The following HCK variants were observed in gnomAD, a reference collection of about 807,000 sequenced individuals.
HCK encodes the protein tyrosine-protein kinase HCK.
HCK carries 40 observed loss-of-function variants against 70.4 expected under a neutral mutation model. The ratio of observed to expected loss-of-function variants is 0.57; its 90% CI spans 0.44 to 0.74. The LOEUF (loss-of-function observed/expected upper bound fraction) is 0.74. Among genes scored for constraint, HCK ranks in the 30% least tolerant of loss-of-function variants. The pLI is 0.00. For missense variants in HCK, 568 were observed against 697.2 expected, an observed-to-expected ratio of 0.81 and a Z score of 2.09; for synonymous variants, 245 against 263.2, an observed-to-expected ratio of 0.93 and a Z score of 0.67.
chr20:32,081,614 G>A (rs926836715), intron 6 of HCK, among the ~76,000 whole-genome samples: 3 of 152,172 alleles, frequency 2.0e-5, no homozygotes, highest in South Asian at 2.1e-4. Flanking sequence ...CTGAATTGGC[G>A]AAGCTTTCAT....
chr20:32,075,219 G>T (rs1408902023), intron 5 of HCK, among the ~76,000 whole-genome samples: 3 of 152,068 alleles, frequency 2.0e-5, no homozygotes, highest in African/African-American at 4.8e-5. Context: ...TTGAGACAGG[G>T]TCTCACTCTG....
intron 3 of HCK, 36 bp downstream of exon 3, chr20:32,073,397 G>A (rs767515804): frequency 7.6e-6 from 12 of 1,572,828 alleles, no homozygotes; most frequent in Non-Finnish European, 1.0e-5. Flanking sequence ...GGAGTCATGT[G>A]TCCTGCAGAG....
At chr20:32,083,519 A>C (rs1177020053) in intron 6 of HCK, among the ~76,000 whole-genome samples, 1 of 152,242 alleles carries the variant, frequency 6.6e-6, no homozygotes, top group Non-Finnish European at 1.5e-5. Flanking sequence ...GATCAGAAAT[A>C]ATGAAGATGA....
At chr20:32,059,264 T>C (rs1221181802) in intron 1 of HCK, among the ~76,000 whole-genome samples, 5 of 123,266 alleles carry the variant, frequency 4.1e-5, no homozygotes. Context: ...CTTAAATGTA[T>C]CTGTAATGTT....
Position 32,071,694 on chromosome 20 carries a change from T to C in HCK, c.95T>C (p.Val32Ala), listed in dbSNP as rs2045540689. 6.2e-7 allele frequency: 1 copy of C among 1,614,104 alleles called. No individual in the cohort carries two copies. The highest frequency in any genetic ancestry group is 1.3e-5 in the African/African-American group (1 of 75,032). Residue 32 changes from valine (V) to alanine (A), a missense_variant, in exon 2 of 13, where the codon GTC becomes GCC. By Grantham distance (64) the Val-to-Ala change is moderately conservative. Transcript: ENST00000375852. ...TGCATGAAGTCCAAGTTCCTCCAGGTCGGAGGCAATACATTCTCAAAAACT... is the reference window on the plus strand; with the variant it reads ...TGCATGAAGTCCAAGTTCCTCCAGGCCGGAGGCAATACATTCTCAAAAACT...
intron 1 of HCK, among the ~76,000 whole-genome samples, chr20:32,067,786 G>C (rs918174554): frequency 6.6e-6 from 1 of 151,956 alleles, no homozygotes; most frequent in Non-Finnish European, 1.5e-5. Flanking sequence ...CGGCTGTTGA[G>C]CACAGATGGA....
intron 1 of HCK, 123 bp downstream of exon 1, chr20:32,052,609 G>A: frequency 1.5e-6 from 1 of 674,598 alleles, no homozygotes; most frequent in Non-Finnish European, 2.1e-6. Context: ...AGGGGAGACG[G>A]AACGTCGGGG....
At chr20:32,076,221 G>A (rs918523098) in intron 5 of HCK, among the ~76,000 whole-genome samples, 2 of 152,154 alleles carry the variant, frequency 1.3e-5, no homozygotes, top group Admixed American at 6.5e-5. Context: ...AGCTACTCGG[G>A]AGGCTGAGGC....
chr20:32,058,605 A>ACACACACAC (rs1555873969), intron 1 of HCK, among the ~76,000 whole-genome samples: 6 of 142,434 alleles, frequency 4.2e-5, no homozygotes, highest in African/African-American at 5.2e-5. Flanking sequence ...TTTATGTCAA[A>ACACACACAC]ACACACACAC....
chr20:32,059,932 C>A (rs539625987), intron 1 of HCK, among the ~76,000 whole-genome samples: 1 of 151,952 alleles, frequency 6.6e-6, no homozygotes, highest in Admixed American at 6.6e-5. Context: ...AGACCTGGAG[C>A]TTTGTCAATT....
intron 6 of HCK, 36 bp from the exon 7 acceptor site, chr20:32,083,858 A>T (rs2045740986): frequency 1.2e-6 from 2 of 1,613,366 alleles, no homozygotes; most frequent in African/African-American, 1.3e-5. Context: ...GGCCTCCAAG[A>T]TGCCATTCTG....
In HCK at chr20:32,088,695, T is replaced by C. The variant is rs748354614; in HGVS notation, c.1092+51T>C. The C allele has an allele frequency of 7.1e-6, 10 of 1,409,978 alleles. No individual in the cohort carries two copies. The Admixed American group carries it at 1.7e-4, about 24-fold the overall frequency. The allele number at this position is 1,409,978 out of a possible 1,614,324, so 87.3% of individuals were successfully genotyped here. A position where few individuals can be genotyped will look rare whatever the true frequency, so the allele number is the denominator to read the frequency against. On this transcript the variant is annotated intron_variant, in intron 10 of 12. Coordinates refer to ENST00000375852, the MANE Select transcript of HCK (RefSeq NM_002110.5). ...AAGGGAAACAGGAATTCGATTTTTT[T>C]ACTTGCCAAATATTTACTGACCACA...
At chr20:32,091,497 A>G (rs2045863131) in intron 10 of HCK, among the ~76,000 whole-genome samples, 1 of 152,210 alleles carries the variant, frequency 6.6e-6, no homozygotes. Flanking sequence ...TCATCTTATA[A>G]ATAAGCTATG....
chr20:32,101,688 T>A lies in HCK; in HGVS notation c.*169T>A. 1 of 539,462 alleles carries A rather than the reference T, an allele frequency of 1.9e-6. No individual in the cohort carries two copies. Among genetic ancestry groups the A allele is most frequent in the Non-Finnish European group, 3.3e-6 (1 of 305,756 alleles). The allele number at this position is 539,462 out of a possible 1,614,324, so 33.4% of individuals were successfully genotyped here. ...GTAGGTTGGACTGGAAAATCTCTTTTTGACTCTTGCAATCCACAATCTGAC... is the reference window on the plus strand; with the variant it reads ...GTAGGTTGGACTGGAAAATCTCTTTATGACTCTTGCAATCCACAATCTGAC... On this transcript the variant is annotated 3_prime_UTR_variant, in exon 13 of 13. Coordinates refer to ENST00000375852, the MANE Select transcript of HCK (RefSeq NM_002110.5).
Position 32,077,809 on chromosome 20 carries a change from C to A in HCK, c.429-1965C>A, listed in dbSNP as rs931377999. Among the ~76,000 whole-genome samples the A allele has an allele frequency of 1.3e-5, 2 of 152,274 alleles. 1 individual carries two copies. The highest frequency in any genetic ancestry group is 4.1e-4 in the South Asian group (2 of 4,826). On this transcript the variant is annotated intron_variant, in intron 5 of 12. Transcript: ENST00000375852. ...AAAGTGCTGGGATTACAGGCGTGAG[C>A]CACTGCTCCCGGACACCTCCTTCCT...
chr20:32,099,793 C>T (rs941157611), intron 12 of HCK, among the ~76,000 whole-genome samples: 2 of 152,180 alleles, frequency 1.3e-5, no homozygotes, highest in Non-Finnish European at 2.9e-5. Flanking sequence ...GGTGCAGCGG[C>T]ATCCTCATCA....
intron 10 of HCK, among the ~76,000 whole-genome samples, chr20:32,092,937 CTTTGT>C (rs902456014): frequency 1.3e-5 from 2 of 151,368 alleles, no homozygotes; most frequent in Non-Finnish European, 2.9e-5. Context: ...TATTTTGTTA[CTTTGT>C]TTTATCTTTT....
Position 32,064,382 on chromosome 20 carries a change from T to G in HCK, c.63-7280T>G, listed in dbSNP as rs140676686. ...CAGCCAGGGGTTGGAGTCAACTCTATCCCAATCCATAAACTGAGACTAGGG... is the reference window on the plus strand; with the variant it reads ...CAGCCAGGGGTTGGAGTCAACTCTAGCCCAATCCATAAACTGAGACTAGGG... On this transcript the variant is annotated intron_variant, in intron 1 of 12. Coordinates refer to ENST00000375852, the MANE Select transcript of HCK (RefSeq NM_002110.5). 3.6e-3 allele frequency among the ~76,000 whole-genome samples: 545 copies of G among 152,208 alleles called. 3 individuals are homozygous for G. Among genetic ancestry groups the G allele is most frequent in the African/African-American group, 0.012 (519 of 41,528 alleles).
chr20:32,098,465 C>T (rs901083729), intron 11 of HCK, among the ~76,000 whole-genome samples: 3 of 152,040 alleles, frequency 2.0e-5, no homozygotes, highest in African/African-American at 7.3e-5. Flanking sequence ...CACTGCGCTC[C>T]AGCCTGGGCA....
Sources: gnomAD v4.1 joint callset for allele counts (sites outside exome capture counted in the v4.1 genomes callset) on GRCh38, gnomAD v4.1.1 for gene constraint, MANE v1.5 for transcripts, NCBI Gene and HGNC (gene_info 2026-07-23, HGNC 2026-07-21) for gene names.